PICALM: variants seen among roughly 807,000 people sequenced by gnomAD.
The protein encoded by PICALM is phosphatidylinositol binding clathrin assembly protein.
PICALM carries 40 observed loss-of-function variants against 80.5 expected under a neutral mutation model. The ratio of observed to expected loss-of-function variants is 0.50; its 90% confidence interval spans 0.39 to 0.65. The LOEUF (loss-of-function observed/expected upper bound fraction) is 0.65. PICALM is among the 30% of genes least tolerant of loss of function. The pLI, the probability that PICALM is intolerant of heterozygous loss-of-function variation, is 0.00. For missense variants in PICALM, 676 were observed against 778.9 expected, an observed-to-expected ratio of 0.87 and a Z score of 1.57; for synonymous variants, 288 against 260.3, an observed-to-expected ratio of 1.11 and a Z score of -1.02.
At chr11:86,009,621 G>A (rs1168652917) in intron 7 of PICALM, among the ~76,000 whole-genome samples, 1 of 152,220 alleles carries the variant, frequency 6.6e-6, no homozygotes, top group African/African-American at 2.4e-5. Flanking sequence ...GAACCCAGGA[G>A]GTGGAGGTTG....
Position 86,000,791 on chromosome 11 carries a change from G to C in PICALM, c.1018-12C>G, listed in dbSNP as rs767210769. The C allele has an allele frequency of 1.2e-6, 2 of 1,611,308 alleles. No individual in the cohort carries two copies. Among genetic ancestry groups the C allele is most frequent in the Non-Finnish European group, 8.5e-7 (1 of 1,179,414 alleles). On this transcript the variant is annotated splice_polypyrimidine_tract_variant and intron_variant, in intron 10 of 19. Transcript: ENST00000393346. Reference sequence around the variant, plus strand: ...TTTAGGCGCTGTTCCTGTTAAGAAAGGGAACTACCATAAGGATTCCAGAAA... The same window carrying C: ...TTTAGGCGCTGTTCCTGTTAAGAAACGGAACTACCATAAGGATTCCAGAAA...
Position 86,044,235 on chromosome 11 carries a change from T to C in PICALM, c.131-12624A>G, listed in dbSNP as rs574223878. ...GAGCTATGTGTTTGAGGGAGGTTGC[T>C]AGGAAGGAGCCCCACATAAAATGAC... On this transcript the variant is annotated intron_variant, in intron 1 of 19. Coordinates refer to ENST00000393346, the MANE Select transcript of PICALM (RefSeq NM_007166.4). 2.6e-4 allele frequency among the ~76,000 whole-genome samples: 40 copies of C among 152,302 alleles called. 1 individual carries two copies. The South Asian group carries it at 7.5e-3, about 28-fold the overall frequency.
At chr11:85,993,617 T>G (rs1451526657) in intron 12 of PICALM, among the ~76,000 whole-genome samples, 1 of 151,904 alleles carries the variant, frequency 6.6e-6, no homozygotes, top group Non-Finnish European at 1.5e-5. Flanking sequence ...TTTTACATTT[T>G]TTGTAGAGAT....
chr11:85,983,893 A>T lies in PICALM; in HGVS notation c.1489T>A (p.Ser497Thr). Residue 497 changes from serine (S) to threonine (T), a missense_variant, in exon 14 of 20, where the codon TCT becomes ACT. Physicochemically the swap from Ser to Thr is moderately conservative, Grantham distance 58 (BLOSUM62 1). This residue lies in a region of PICALM where 391 missense variants were observed against 383.6 expected (regional missense o/e 1.02). Transcript: ENST00000393346. Reference sequence around the variant, plus strand: ...CCAGAATCTACAATAACATTTGTAGATTTATTTCCAAACACAGATTCAAAG... The same window carrying T: ...CCAGAATCTACAATAACATTTGTAGTTTTATTTCCAAACACAGATTCAAAG... ...VDFESVFGNK[S>T]TNVIVDSGGF... 6.3e-7 allele frequency: 1 copy of T among 1,581,814 alleles called. No individual in the cohort carries two copies. The highest frequency in any genetic ancestry group is 8.7e-7 in the Non-Finnish European group (1 of 1,153,128).
chr11:85,963,943 T>TTTTTTTA (rs1555002813), intron 19 of PICALM, among the ~76,000 whole-genome samples: 1 of 146,344 alleles, frequency 6.8e-6, no homozygotes, highest in Non-Finnish European at 1.5e-5. Flanking sequence ...TTTTTTTTTT[T>TTTTTTTA]ATTAAAGTTA....
intron 8 of PICALM, 100 bp downstream of exon 8, chr11:86,007,442 T>C (rs944922011): frequency 1.4e-6 from 1 of 697,346 alleles, no homozygotes; most frequent in South Asian, 1.5e-5. Flanking sequence ...AAAAACTGCA[T>C]TGATCCCTTT....
chr11:86,035,496 T>A (rs773440301), intron 1 of PICALM, among the ~76,000 whole-genome samples: 5 of 152,218 alleles, frequency 3.3e-5, no homozygotes. Context: ...TGTTTGTTTT[T>A]AAATCAACAT....
At chr11:85,978,841 A>G (rs368666572) in intron 17 of PICALM, 3 of 149,230 alleles carry the variant, frequency 2.0e-5, no homozygotes, top group Non-Finnish European at 4.4e-5. Context: ...ATTAATACTA[A>G]CTTAATATAA....
In PICALM at chr11:85,957,848, C is replaced by T; in HGVS notation, c.*1198G>A. ...AACTGTCCTTCTTAAGGCCCCTCTC[C>T]ACCCAAATGTTAAAGATGTATTTAC... On this transcript the variant is annotated 3_prime_UTR_variant, in exon 20 of 20. Coordinates refer to ENST00000393346, the MANE Select transcript of PICALM (RefSeq NM_007166.4). 4.5e-6 allele frequency: 1 copy of T among 224,176 alleles called. No individual in the cohort carries two copies. The highest frequency in any genetic ancestry group is 8.9e-6 in the Non-Finnish European group (1 of 112,066). The allele number at this position is 224,176 out of a possible 1,614,324, so 13.9% of individuals were successfully genotyped here.
intron 18 of PICALM, among the ~76,000 whole-genome samples, chr11:85,975,439 G>C (rs73504445): frequency 1.1e-3 from 175 of 152,192 alleles, no homozygotes; most frequent in African/African-American, 4.1e-3. Flanking sequence ...ACAATACCTA[G>C]TGTAAAAATA....
intron 17 of PICALM, among the ~76,000 whole-genome samples, chr11:85,980,703 T>C (rs551235609): frequency 6.6e-6 from 1 of 152,196 alleles, no homozygotes; most frequent in East Asian, 1.9e-4. Flanking sequence ...AGGTCAGTAA[T>C]ATAGAGTAGT....
rs142236074 is a variant in PICALM at position 86,055,224 on chromosome 11, A to T, written c.130+13427T>A. Among the ~76,000 whole-genome samples the T allele has an allele frequency of 1.2e-4, 18 of 151,270 alleles. No individual in the cohort carries two copies. In the East Asian group the frequency reaches 3.0e-3, roughly 25 times the overall value. On this transcript the variant is annotated intron_variant, in intron 1 of 19. Transcript: ENST00000393346. ...ACACGTCTGTAATCCCAGCTACTTG[A>T]GAGGCTAAGGCAGGAGAATCGCTTG...
chr11:86,069,112 C>T (rs1266278612), upstream of PICALM: 5 of 276,882 alleles, frequency 1.8e-5, no homozygotes, highest in South Asian at 3.7e-4. Context: ...CGGAGCTTTC[C>T]GGGCTGCCCC....
intron 4 of PICALM, among the ~76,000 whole-genome samples, chr11:86,020,202 C>T (rs2095541732): frequency 6.8e-6 from 1 of 146,850 alleles, no homozygotes; most frequent in Non-Finnish European, 1.5e-5. Flanking sequence ...AAATACAAAA[C>T]AGCACTGAAA....
chr11:86,035,638 G>C (rs958969580), intron 1 of PICALM, among the ~76,000 whole-genome samples: 1 of 151,998 alleles, frequency 6.6e-6, no homozygotes, highest in Non-Finnish European at 1.5e-5. Flanking sequence ...GATTTATTCA[G>C]TCATCTAGAA....
chr11:86,049,353 T>C (rs1488767535), intron 1 of PICALM, among the ~76,000 whole-genome samples: 4 of 152,082 alleles, frequency 2.6e-5, no homozygotes, highest in Non-Finnish European at 5.9e-5. Context: ...AATGCAACTA[T>C]CCAGTTAACT....
intron 8 of PICALM, 43 bp downstream of exon 8, chr11:86,007,499 G>C: frequency 1.8e-6 from 2 of 1,133,282 alleles, no homozygotes; most frequent in Non-Finnish European, 2.7e-6. Flanking sequence ...TTCACAACTT[G>C]TACACAACAG....
Position 86,012,364 on chromosome 11 carries a change from A to G in PICALM, c.575T>C (p.Val192Ala). 3.7e-6 allele frequency: 6 copies of G among 1,609,014 alleles called. 1 individual carries two copies. The highest frequency in any genetic ancestry group is 3.4e-6 in the Non-Finnish European group (4 of 1,176,098). ...CAGGAGCATGAAGGCAGCATTTATTACCCCATTTGTAAGTTCATTGCTATT... is the reference window on the plus strand; with the variant it reads ...CAGGAGCATGAAGGCAGCATTTATTGCCCCATTTGTAAGTTCATTGCTATT... The part of the protein sequence containing the change: ...NVNSNELTNG[V>A]INAAFMLLFK... Residue 192 changes from valine to alanine, a missense_variant, in exon 6 of 20, where the codon GTA (valine) becomes GCA (alanine). By Grantham distance (64) the Val-to-Ala change is moderately conservative (BLOSUM62 0). This residue lies in a region of PICALM where 285 missense variants were observed against 395.4 expected (regional missense o/e 0.72). Transcript: ENST00000393346.
chr11:86,026,617 G>A (rs989614563), intron 2 of PICALM, among the ~76,000 whole-genome samples: 1 of 152,064 alleles, frequency 6.6e-6, no homozygotes, highest in African/African-American at 2.4e-5. Context: ...AAAGCAAATA[G>A]GCAGTGGAAG....
Sources: gnomAD v4.1 joint callset for allele counts (sites outside exome capture counted in the v4.1 genomes callset) on GRCh38, gnomAD v4.1.1 for gene constraint, gnomAD v4.1.1 regional missense constraint, MANE v1.5 for transcripts, NCBI Gene and HGNC (gene_info 2026-07-23, HGNC 2026-07-21) for gene names.